Variants in SLC2A9 observed in about 807,000 individuals in gnomAD.
The protein encoded by SLC2A9 is solute carrier family 2 member 9, also known as solute carrier family 2, facilitated glucose transporter member 9.
A neutral mutation model predicts 50.6 loss-of-function variants in SLC2A9; 39 were observed. The ratio of observed to expected loss-of-function variants is 0.77; its 90% CI spans 0.60 to 1.01. The LOEUF (loss-of-function observed/expected upper bound fraction) is 1.01, where lower values mean the gene tolerates loss of function less well. SLC2A9 is among the 50% of genes least tolerant of loss of function. The probability of loss-of-function intolerance (pLI) is 0.00; values close to 1 mark genes in which losing one functional copy is unlikely to be tolerated. For synonymous variants in SLC2A9, 324 were observed against 276.9 expected (o/e 1.17, Z -1.69); for missense variants, 686 against 677.6 (o/e 1.01, Z -0.14).
At position 9,867,154 on chromosome 4, in the gene SLC2A9, G is replaced by A. The variant is rs371796116; in HGVS notation, c.1291+20413C>T. 2.0e-4 allele frequency among the ~76,000 whole-genome samples: 30 copies of A among 152,332 alleles called. No homozygotes were observed. In the South Asian group the frequency reaches 2.3e-3, roughly 12 times the overall value. ...AGTTTATTTTTGACACCTCACAGAA[G>A]TGAATCATTGTCATGTAACTACATC... On this transcript the variant is annotated intron_variant, in intron 10 of 11. Coordinates refer to ENST00000264784, the MANE Select transcript of SLC2A9 (RefSeq NM_020041.3).
downstream of SLC2A9, among the ~76,000 whole-genome samples, chr4:9,778,950 T>C (rs774077061): frequency 6.6e-6 from 1 of 152,116 alleles, no homozygotes; most frequent in African/African-American, 2.4e-5. Context: ...GTATTTTTAG[T>C]AGAGACGGGG....
intron 7 of SLC2A9, 150 bp downstream of exon 7, chr4:9,920,235 G>T: frequency 1.3e-6 from 1 of 777,966 alleles, no homozygotes; most frequent in Non-Finnish European, 2.1e-6. Flanking sequence ...CTGAGGATCA[G>T]TCAAGTTACA....
Position 9,918,806 on chromosome 4 carries a change from G to T in SLC2A9, c.1002+1579C>A, listed in dbSNP as rs145039436. Among the ~76,000 whole-genome samples the T allele has an allele frequency of 4.6e-5, 7 of 152,300 alleles. No individual in the cohort carries two copies. The East Asian group carries it at 1.4e-3, about 29-fold the overall frequency. ...TGGTCCAGAGCTCTGCTCCAGGTCA[G>T]GTAAAGCACGCTCAGCTGGAAATAT... On this transcript the variant is annotated intron_variant, in intron 7 of 11. Coordinates refer to ENST00000264784, the MANE Select transcript of SLC2A9 (RefSeq NM_020041.3).
intron 3 of SLC2A9, 126 bp from the exon 4 acceptor site, chr4:9,985,919 G>C: frequency 8.2e-6 from 11 of 1,340,972 alleles, no homozygotes; most frequent in Non-Finnish European, 9.4e-6. Flanking sequence ...GCACAGTGCA[G>C]GGAGCACTGG....
At chr4:9,962,941 G>T (rs1752503347) in intron 5 of SLC2A9, among the ~76,000 whole-genome samples, 1 of 152,166 alleles carries the variant, frequency 6.6e-6, no homozygotes, top group South Asian at 2.1e-4. Context: ...CTGGAATGGT[G>T]TTTTCCTTCC....
chr4:9,979,407 G>T lies in SLC2A9; in HGVS notation c.681+1185C>A, dbSNP rs376224970. Among the ~76,000 whole-genome samples the T allele has an allele frequency of 4.6e-5, 7 of 152,294 alleles. No homozygotes were observed. The East Asian group carries it at 9.7e-4, about 21-fold the overall frequency. Reference sequence around the variant, plus strand: ...TTGTGCACTGTTCGTGCCTAGAACAGTCTGGCATGAAGTGGGCATTCGACC... The same window carrying T: ...TTGTGCACTGTTCGTGCCTAGAACATTCTGGCATGAAGTGGGCATTCGACC... On this transcript the variant is annotated intron_variant, in intron 5 of 11. Transcript: ENST00000264784.
chr4:10,018,191 C>G (rs1446735842), intron 2 of SLC2A9, among the ~76,000 whole-genome samples: 1 of 152,202 alleles, frequency 6.6e-6, no homozygotes, highest in Non-Finnish European at 1.5e-5. Flanking sequence ...GAGTAAAACA[C>G]AAGCCAAAGA....
chr4:9,933,464 G>A (rs1299672684), intron 6 of SLC2A9, among the ~76,000 whole-genome samples: 1 of 152,114 alleles, frequency 6.6e-6, no homozygotes, highest in Non-Finnish European at 1.5e-5. Context: ...ACCATTTCCT[G>A]GCATCCAGTG....
At chr4:9,893,065 T>C (rs568135267) in intron 8 of SLC2A9, among the ~76,000 whole-genome samples, 8 of 152,314 alleles carry the variant, frequency 5.3e-5, no homozygotes, top group African/African-American at 1.7e-4. Context: ...GTGGCAAAGC[T>C]GGGATCACCT....
chr4:9,964,375 G>A (rs1468306175), intron 5 of SLC2A9, among the ~76,000 whole-genome samples: 1 of 152,160 alleles, frequency 6.6e-6, no homozygotes, highest in Non-Finnish European at 1.5e-5. Context: ...GAGGGACTCT[G>A]AAGTGGCAGG....
chr4:9,916,754 T>C (rs905711149), intron 7 of SLC2A9, among the ~76,000 whole-genome samples: 1 of 152,182 alleles, frequency 6.6e-6, no homozygotes. Context: ...ACCATGACCC[T>C]GGGCATTCTG....
upstream of SLC2A9, among the ~76,000 whole-genome samples, chr4:10,023,504 T>A (rs148949820): frequency 1.7e-4 from 26 of 152,322 alleles, no homozygotes; most frequent in East Asian, 4.8e-3. Flanking sequence ...TGTCCCCTCA[T>A]CCCGTTAAAA....
At chr4:9,945,641 C>G (rs1043095027) in intron 5 of SLC2A9, among the ~76,000 whole-genome samples, 18 of 152,250 alleles carry the variant, frequency 1.2e-4, no homozygotes, top group African/African-American at 3.9e-4. Flanking sequence ...ACCTAGTGAC[C>G]AGGGAGGAGC....
intron 3 of SLC2A9, among the ~76,000 whole-genome samples, chr4:9,815,508 G>C (rs569747350): frequency 6.6e-6 from 1 of 152,206 alleles, no homozygotes; most frequent in East Asian, 1.9e-4. Context: ...GCTCCATGAA[G>C]TCCAGACCCA....
intron 6 of SLC2A9, among the ~76,000 whole-genome samples, chr4:9,926,942 A>G (rs1745008863): frequency 6.6e-6 from 1 of 152,100 alleles, no homozygotes. Flanking sequence ...CCCCGTCGGA[A>G]GCCAGAAGAG....
intron 8 of SLC2A9, among the ~76,000 whole-genome samples, chr4:9,902,837 A>C (rs771920856): frequency 2.0e-5 from 3 of 152,206 alleles, no homozygotes; most frequent in Non-Finnish European, 4.4e-5. Context: ...AATTCAAGTC[A>C]CATTCCGAGG....
chr4:9,893,872 T>TGCAACACATGTTAATCTCAGC (rs1461855157), intron 8 of SLC2A9, among the ~76,000 whole-genome samples: 1 of 152,172 alleles, frequency 6.6e-6, no homozygotes, highest in African/African-American at 2.4e-5. Flanking sequence ...AGTGTAACAA[T>TGCAACACATGTTAATCTCAGC]GCAACACATG....
intron 5 of SLC2A9, among the ~76,000 whole-genome samples, chr4:9,978,801 G>A (rs995246667): frequency 1.3e-5 from 2 of 152,172 alleles, no homozygotes; most frequent in Non-Finnish European, 2.9e-5. Context: ...ATGCCTCTGA[G>A]GTGACCTCGA....
Position 9,816,174 on chromosome 4 carries a change from C to CATAAATAAATAAATAAATAA in SLC2A9, n.420+10226_420+10245dup, listed in dbSNP as rs34640947. ...AACAGAGCAAGACCCTGTCTCAAAACATAAATAAATAAATAAATAAATAAA... is the reference window on the plus strand; with the variant it reads ...AACAGAGCAAGACCCTGTCTCAAAACATAAATAAATAAATAAATAAATAAATAAATAAATAAATAAATAAA... On this transcript the variant is annotated intron_variant and non_coding_transcript_variant, in intron 3 of 3. Coordinates refer to the SLC2A9 transcript ENST00000503280. Among the ~76,000 whole-genome samples, 389 of 149,154 alleles carry CATAAATAAATAAATAAATAA rather than the reference C, an allele frequency of 2.6e-3. 2 individuals are homozygous for CATAAATAAATAAATAAATAA. The highest frequency in any genetic ancestry group is 9.0e-3 in the African/African-American group (364 of 40,578).
Sources: gnomAD v4.1 joint callset for allele counts (sites outside exome capture counted in the v4.1 genomes callset) on GRCh38, gnomAD v4.1.1 for gene constraint, MANE v1.5 for transcripts, NCBI Gene and HGNC (gene_info 2026-07-23, HGNC 2026-07-21) for gene names.